Variants in AUNIP observed in about 807,000 individuals in gnomAD.
AUNIP encodes aurora kinase A- and ninein-interacting protein.
Under a neutral mutation model 12.2 loss-of-function variants are expected in AUNIP, and 16 were observed. The ratio of observed to expected loss-of-function variants is 1.31; its 90% CI spans 0.88 to 1.99. AUNIP has a LOEUF of 1.99. Ranked by LOEUF, AUNIP falls within the 30% of genes most tolerant of loss-of-function variation. The pLI, the probability that AUNIP is intolerant of heterozygous loss-of-function variation, is 0.00. For missense variants in AUNIP, 411 were observed against 419.1 expected (o/e 0.98, Z 0.17); for synonymous variants, 142 against 154.8 (o/e 0.92, Z 0.61).
intron 1 of AUNIP, among the ~76,000 whole-genome samples, chr1:25,856,496 A>G (rs2048462341): frequency 6.6e-6 from 1 of 151,738 alleles, no homozygotes; most frequent in African/African-American, 2.4e-5. Context: ...ACCAACATGG[A>G]GAAACCCCGT....
At chr1:25,838,011 C>T (rs553145660) in intron 1 of AUNIP, among the ~76,000 whole-genome samples, 56 of 150,720 alleles carry the variant, frequency 3.7e-4, no homozygotes, top group African/African-American at 1.3e-3. Context: ...GAGGCTGAGG[C>T]GGGCAGATAA....
At chr1:25,846,416 CAAAAAAAAA>C (rs57719994) in intron 1 of AUNIP, among the ~76,000 whole-genome samples, 14 of 29,842 alleles carry the variant, frequency 4.7e-4, no homozygotes, top group African/African-American at 2.1e-3. Context: ...GACTCCATCT[CAAAAAAAAA>C]AAAAAAAAAA....
intron 1 of AUNIP, among the ~76,000 whole-genome samples, chr1:25,842,499 G>A (rs2048353505): frequency 6.6e-6 from 1 of 152,244 alleles, no homozygotes; most frequent in African/African-American, 2.4e-5. Context: ...GCTGCAATAA[G>A]TTATCCAGAA....
chr1:25,848,611 G>A (rs574376054), intron 1 of AUNIP, among the ~76,000 whole-genome samples: 1 of 152,006 alleles, frequency 6.6e-6, no homozygotes, highest in Non-Finnish European at 1.5e-5. Flanking sequence ...TAACCTGGGA[G>A]CTTTGGGCCA....
chr1:25,833,704 T>C (rs1172291353), downstream of AUNIP, among the ~76,000 whole-genome samples: 1 of 151,458 alleles, frequency 6.6e-6, no homozygotes, highest in East Asian at 1.9e-4. Flanking sequence ...CAGTGAACCG[T>C]GTTCATGCCA....
At chr1:25,832,293 G>A (rs1162404244), downstream of AUNIP, 1 of 1,027,694 alleles carries the variant, frequency 9.7e-7, no homozygotes, top group Non-Finnish European at 1.4e-6. Flanking sequence ...GGGTAAGAGA[G>A]AAGTTGTTTC....
intron 1 of AUNIP, among the ~76,000 whole-genome samples, chr1:25,855,825 T>A (rs1319070921): frequency 6.6e-6 from 1 of 152,116 alleles, no homozygotes; most frequent in Non-Finnish European, 1.5e-5. Flanking sequence ...CTTCTCTGGG[T>A]TGGAAGTCAG....
Position 25,859,284 on chromosome 1 carries a change from A to G in AUNIP, c.74T>C (p.Val25Ala). The stretch of plus-strand genomic sequence containing the variant: ...TCTCATCCCCCAGCGTCCCACCTGC[A>G]CTTTCCGCCTCTTCAGCGCCGCCGC... ...LDAAALKRRK[V>A]QTHLIKPGTK... The change falls in exon 1 of 3, where the codon GTG becomes GCG. Residue 25 changes from valine (V) to alanine (A), a missense_variant. By Grantham distance (64) the Val-to-Ala change is moderately conservative (BLOSUM62 0). Transcript: ENST00000374298. 1.9e-6 allele frequency: 3 copies of G among 1,575,816 alleles called. No individual in the cohort carries two copies. The highest frequency in any genetic ancestry group is 2.4e-5 in the East Asian group (1 of 42,220).
intron 1 of AUNIP, among the ~76,000 whole-genome samples, chr1:25,844,103 A>G (rs954405173): frequency 6.6e-6 from 1 of 152,092 alleles, no homozygotes; most frequent in South Asian, 2.1e-4. Flanking sequence ...AGCAAGTTTC[A>G]TTGTTTTATT....
rs1273885516 is a variant in AUNIP at position 25,835,344 on chromosome 1, C to G, written c.723G>C (p.Arg241Ser). The change falls in exon 3 of 3, where the codon AGG becomes AGC. Residue 241 changes from arginine (R) to serine (S), a missense_variant. Transcript: ENST00000374298. ...ATGTTTGAAGGAGGACAGGGGCCTG[C>G]CTGTTTTCTTTGGCAGACACCTTTC... ...LERKVSAKEN[R>S]QAPVLLQTYR... is the part of the protein sequence containing the mutation. 1 of 1,614,214 alleles carries G rather than the reference C, an allele frequency of 6.2e-7. No individual in the cohort carries two copies. The highest frequency in any genetic ancestry group is 8.5e-7 in the Non-Finnish European group (1 of 1,180,034).
At chr1:25,845,473 A>C (rs1424915065) in intron 1 of AUNIP, among the ~76,000 whole-genome samples, 1 of 152,126 alleles carries the variant, frequency 6.6e-6, no homozygotes, top group Middle Eastern at 3.2e-3. Flanking sequence ...CTCACAGAGA[A>C]AGGCATTTTT....
At chr1:25,850,214 C>A (rs1255109586) in intron 1 of AUNIP, among the ~76,000 whole-genome samples, 1 of 94,136 alleles carries the variant, frequency 1.1e-5, no homozygotes, top group Non-Finnish European at 2.4e-5. Flanking sequence ...ATTCTAAAAA[C>A]AACAACAACA....
At chr1:25,849,685 G>A (rs1281590961) in intron 1 of AUNIP, among the ~76,000 whole-genome samples, 1 of 152,212 alleles carries the variant, frequency 6.6e-6, no homozygotes, top group African/African-American at 2.4e-5. Context: ...CTAGGCTGGA[G>A]TGCAGCTACG....
At chr1:25,840,201 A>G (rs2048339289) in intron 1 of AUNIP, among the ~76,000 whole-genome samples, 1 of 152,174 alleles carries the variant, frequency 6.6e-6, no homozygotes, top group South Asian at 2.1e-4. Flanking sequence ...GAAAATATGA[A>G]CATAATAAGG....
At chr1:25,852,448 G>T (rs770066658) in intron 1 of AUNIP, among the ~76,000 whole-genome samples, 3,259 of 134,760 alleles carry the variant, frequency 0.024, 69 homozygotes, top group Non-Finnish European at 0.04. Flanking sequence ...ATTATTTAAG[G>T]TTTTTTTTTT....
Position 25,837,500 on chromosome 1 carries a change from T to C in AUNIP, c.133A>G (p.Lys45Glu). ...CTTTGAGTAAAATAAATATTAGCCTTTCTTTCTCCAGGAAGGAGTGTTAGC... is the reference window on the plus strand; with the variant it reads ...CTTTGAGTAAAATAAATATTAGCCTCTCTTTCTCCAGGAAGGAGTGTTAGC... ...KMLTLLPGERKANIYFTQRRA... is the reference protein window; with the variant it reads ...KMLTLLPGEREANIYFTQRRA... Residue 45 changes from lysine (K) to glutamate (E), a missense_variant, in exon 2 of 3, where the codon AAG (lysine) becomes GAG (glutamate). Lys to Glu is a moderately conservative substitution (Grantham distance 56). Transcript: ENST00000374298. The C allele has an allele frequency of 6.2e-7, 1 of 1,613,918 alleles. No homozygotes were observed. The highest frequency in any genetic ancestry group is 8.5e-7 in the Non-Finnish European group (1 of 1,179,808).
In AUNIP at chr1:25,835,038, A is replaced by G. The variant is rs1337420689; in HGVS notation, c.1029T>C (p.Phe343=). The change falls in exon 3 of 3, where the codon TTT becomes TTC. Residue 343 remains phenylalanine (F), a synonymous_variant. Coordinates refer to ENST00000374298, the MANE Select transcript of AUNIP (RefSeq NM_024037.3). ...PTQNLKPDLL[F]TQDSEGNQVI... Reference sequence around the variant, plus strand: ...CTTGATTACCTTCAGAGTCCTGGGTAAAGAGCAAATCAGGCTTCAGATTTT... The same window carrying G: ...CTTGATTACCTTCAGAGTCCTGGGTGAAGAGCAAATCAGGCTTCAGATTTT... The G allele has an allele frequency of 1.2e-6, 2 of 1,614,216 alleles. No individual in the cohort carries two copies. Among genetic ancestry groups the G allele is most frequent in the East Asian group, 4.5e-5 (2 of 44,892 alleles).
At chr1:25,841,707 G>T (rs6678560) in intron 1 of AUNIP, among the ~76,000 whole-genome samples, 5,850 of 152,010 alleles carry the variant, frequency 0.038, 397 homozygotes, top group African/African-American at 0.13. Context: ...TGTATTTTTA[G>T]TAGAGACGGG....
intron 1 of AUNIP, among the ~76,000 whole-genome samples, chr1:25,854,640 C>T (rs2048448294): frequency 6.6e-6 from 1 of 152,154 alleles, no homozygotes; most frequent in African/African-American, 2.4e-5. Flanking sequence ...AGTGGGTCAC[C>T]AGTCTGAAAT....
Sources: allele counts gnomAD v4.1 joint callset (sites outside exome capture counted in the v4.1 genomes callset), GRCh38; gene constraint gnomAD v4.1.1; transcripts MANE v1.5; gene names NCBI Gene and HGNC (gene_info 2026-07-23, HGNC 2026-07-21).